WDR4: variants seen among roughly 807,000 people sequenced by gnomAD.
The protein encoded by WDR4 is WDR4 tRNA N7-guanosine methyltransferase non-catalytic subunit.
A neutral mutation model predicts 48.6 loss-of-function variants in WDR4; 47 were observed. The observed-to-expected ratio is 0.97, with a 90% confidence interval of 0.77 to 1.23. The LOEUF is 1.23. WDR4 is among the 50% of genes most tolerant of loss of function. The probability of loss-of-function intolerance (pLI) is 0.00; values close to 1 mark genes in which losing one functional copy is unlikely to be tolerated. For synonymous variants in WDR4, 268 were observed against 230.0 expected (o/e 1.17, Z -1.49); for missense variants, 606 against 551.6 (o/e 1.10, Z -0.99).
intron 9 of WDR4, among the ~76,000 whole-genome samples, chr21:42,853,136 G>A (rs1402606434): frequency 6.6e-6 from 1 of 152,002 alleles, no homozygotes; most frequent in African/African-American, 2.4e-5. Context: ...TCTCCCCAGA[G>A]GAAAGCAGCT....
the WDR4 span, among the ~76,000 whole-genome samples, chr21:42,884,851 C>T: frequency 7.2e-5 from 11 of 152,054 alleles, no homozygotes; most frequent in Admixed American, 6.5e-4. Context: ...ATCCAGCTCA[C>T]TGCAACCTCC....
At chr21:42,892,659 C>T in the WDR4 span, among the ~76,000 whole-genome samples, 3 of 152,308 alleles carry the variant, frequency 2.0e-5, no homozygotes, top group African/African-American at 4.8e-5. Flanking sequence ...CTAATTACAC[C>T]GACTCCACAA....
At chr21:42,869,558 T>C (rs991587723) in intron 3 of WDR4, among the ~76,000 whole-genome samples, 2 of 152,144 alleles carry the variant, frequency 1.3e-5, no homozygotes, top group African/African-American at 4.8e-5. Context: ...AGAAAGGCCA[T>C]GTTGAGAGCC....
downstream of WDR4, among the ~76,000 whole-genome samples, chr21:42,844,364 G>A (rs1602672590): frequency 6.6e-6 from 1 of 152,124 alleles, no homozygotes; most frequent in African/African-American, 2.4e-5. Context: ...AAAAACAAAA[G>A]CAGCCGCAGA....
At chr21:42,843,175 C>T (rs2057681013) in exon 12 of WDR4, 1 of 152,172 alleles carries the variant, frequency 6.6e-6, no homozygotes, top group Non-Finnish European at 1.5e-5. Flanking sequence ...AGATGCTCCT[C>T]GACTTACGAT....
upstream of WDR4, among the ~76,000 whole-genome samples, chr21:42,880,469 A>G (rs1029925278): frequency 3.9e-5 from 6 of 152,132 alleles, no homozygotes; most frequent in Non-Finnish European, 8.8e-5. Flanking sequence ...GCAATATATG[A>G]TGGTGAGCCG....
chr21:42,871,251 T>C lies in WDR4; in HGVS notation c.296+2300A>G, dbSNP rs76542156. Among the ~76,000 whole-genome samples, 686 of 152,330 alleles carry C rather than the reference T, an allele frequency of 4.5e-3. 4 individuals carry two copies. Among genetic ancestry groups the C allele is most frequent in the African/African-American group, 0.016 (651 of 41,576 alleles). ...CCCTACAACTGTGAGAAAATTGTTA[T>C]TTAAGGCCCCTAGTCTGTGGTATCT... On this transcript the variant is annotated intron_variant, in intron 3 of 10. Coordinates refer to ENST00000398208, the MANE Select transcript of WDR4 (RefSeq NM_018669.6).
At chr21:42,875,412 G>A (rs1478014379) in intron 2 of WDR4, among the ~76,000 whole-genome samples, 2 of 152,014 alleles carry the variant, frequency 1.3e-5, no homozygotes, top group Non-Finnish European at 2.9e-5. Flanking sequence ...AAAATTAGCC[G>A]GGCATGGTGG....
At chr21:42,858,745 C>T (rs529777077) in intron 6 of WDR4, among the ~76,000 whole-genome samples, 143 of 152,274 alleles carry the variant, frequency 9.4e-4, no homozygotes, top group Non-Finnish European at 1.6e-3. Flanking sequence ...TATGGCCACA[C>T]TTTTCTTCTT....
intron 1 of WDR4, among the ~76,000 whole-genome samples, chr21:42,878,406 A>G (rs996237109): frequency 6.6e-6 from 1 of 152,238 alleles, no homozygotes; most frequent in African/African-American, 2.4e-5. Context: ...AATCATGTCT[A>G]ATATATCCAC....
At chr21:42,887,200 C>T in the WDR4 span, among the ~76,000 whole-genome samples, 14 of 152,192 alleles carry the variant, frequency 9.2e-5, no homozygotes, top group African/African-American at 3.4e-4. Flanking sequence ...CCGTGTTGGT[C>T]AGGCTGGTCT....
rs1164332002 is a variant in WDR4, at chr21:42,862,278, T to G, written c.566+4A>C. 1 of 1,597,344 alleles carries G rather than the reference T, an allele frequency of 6.3e-7. No homozygotes were observed. The highest frequency in any genetic ancestry group is 1.3e-5 in the African/African-American group (1 of 74,634). On this transcript the variant is annotated splice_donor_region_variant and intron_variant, in intron 5 of 10. Transcript: ENST00000398208. This position sits in a 1 kb window ranked among gnomAD's most constrained non-coding sequence, Gnocchi z 4.3. ...CTGCTGGAGGGGCAGGAAGGGGCAC[T>G]CACTCTGTGTGCCCCAAGCAGAAGG...
intron 10 of WDR4, among the ~76,000 whole-genome samples, chr21:42,851,897 T>A (rs1225068525): frequency 6.6e-6 from 1 of 152,172 alleles, no homozygotes; most frequent in Non-Finnish European, 1.5e-5. Context: ...GTGGGATCAA[T>A]TCCCTCAACA....
rs559758242 is a variant in WDR4, at chr21:42,863,971, G to T, written c.297-375C>A. Among the ~76,000 whole-genome samples, 21 of 82,496 alleles carry T rather than the reference G, an allele frequency of 2.5e-4. 6 individuals carry two copies. Among genetic ancestry groups the T allele is most frequent in the Admixed American group, 1.3e-3 (15 of 11,276 alleles). The allele number at this position is 82,496 out of a possible 152,430, so 54.1% of individuals were successfully genotyped here. A position where few individuals can be genotyped will look rare whatever the true frequency, so the allele number is the denominator to read the frequency against. On this transcript the variant is annotated intron_variant, in intron 3 of 10. Transcript: ENST00000398208. ...AAATACAAAAAATTAGCCAGGCGTG[G>T]TGGCGGGCGCCTGTAGTCCCAGCTA...
intron 3 of WDR4, 44 bp from the exon 4 acceptor site, chr21:42,863,640 G>T (rs199527494): frequency 6.3e-7 from 1 of 1,591,198 alleles, no homozygotes; most frequent in Non-Finnish European, 8.6e-7. Context: ...CAGGAGCAGC[G>T]CAGGGTCCTC....
chr21:42,892,613 G>A, the WDR4 span, among the ~76,000 whole-genome samples: 3 of 152,206 alleles, frequency 2.0e-5, no homozygotes, highest in Non-Finnish European at 4.4e-5. Flanking sequence ...GGCACGCGGC[G>A]GAAGGCAGAG....
At chr21:42,866,309 C>G (rs2058244789) in intron 3 of WDR4, among the ~76,000 whole-genome samples, 1 of 152,178 alleles carries the variant, frequency 6.6e-6, no homozygotes, top group Non-Finnish European at 1.5e-5. Flanking sequence ...TCCATCTTGG[C>G]TACGCCTCAA....
At position 42,862,220 on chromosome 21, in the gene WDR4, C is replaced by A. The variant is rs926232366; in HGVS notation, c.566+62G>T. 3.5e-5 allele frequency: 51 copies of A among 1,462,604 alleles called. No individual in the cohort carries two copies. Among genetic ancestry groups the A allele is most frequent in the Non-Finnish European group, 4.3e-5 (46 of 1,078,472 alleles). 90.6% of individuals were successfully genotyped at this position (1,462,604 alleles called of 1,614,324 possible). On this transcript the variant is annotated intron_variant, in intron 5 of 10. Coordinates refer to ENST00000398208, the MANE Select transcript of WDR4 (RefSeq NM_018669.6). The surrounding 1 kb of genome is among the most constrained non-coding windows in gnomAD (Gnocchi z 4.3). ...AGCTACAACGGCACCTGCTGAGCCGCAAGCTGACGCTGTTTTCAAACAGAC... is the reference window on the plus strand; with the variant it reads ...AGCTACAACGGCACCTGCTGAGCCGAAAGCTGACGCTGTTTTCAAACAGAC...
chr21:42,854,589 T>C lies in WDR4; in HGVS notation c.764A>G (p.Glu255Gly), dbSNP rs2146011307. 2 of 1,613,860 alleles carry C rather than the reference T, an allele frequency of 1.2e-6. No individual in the cohort carries two copies. Among genetic ancestry groups the C allele is most frequent in the South Asian group, 1.1e-5 (1 of 91,014 alleles). ...AASRIAFWCQ[E>G]NCVALLCDGT... is the part of the protein sequence containing the mutation. ...GTCGCACAGGAGCGCCACGCAGTTC[T>C]CCTGGCACCAGAATGCAATCCTGGA... is the stretch of plus-strand genomic sequence containing the variant. The change falls in exon 8 of 11, where the codon GAG becomes GGG. Residue 255 changes from glutamate to glycine, a missense_variant. Glu to Gly is a moderately conservative substitution (Grantham distance 98). Transcript: ENST00000398208.
Sources: allele counts gnomAD v4.1 joint callset (sites outside exome capture counted in the v4.1 genomes callset), GRCh38; gene constraint gnomAD v4.1.1; non-coding constraint Gnocchi (gnomAD v3.1); transcripts MANE v1.5; gene names NCBI Gene and HGNC (gene_info 2026-07-23, HGNC 2026-07-21).